KIAA1217: variants seen among roughly 807,000 people sequenced by gnomAD.
The protein encoded by KIAA1217 is sickle tail protein homolog.
In KIAA1217, 88 loss-of-function variants were observed where a neutral mutation model predicts 163.9. The observed-to-expected ratio is 0.54, with a 90% CI of 0.45 to 0.64. KIAA1217 has a LOEUF of 0.64. Ranked by LOEUF, KIAA1217 falls within the 30% of genes least tolerant of loss-of-function variation. The pLI, the probability that KIAA1217 is intolerant of heterozygous loss-of-function variation, is 0.00. For missense variants in KIAA1217, 2,372 were observed against 2,475.0 expected (o/e 0.96, Z 0.88); for synonymous variants, 903 against 923.1 (o/e 0.98, Z 0.39).
intron 2 of KIAA1217, among the ~76,000 whole-genome samples, chr10:24,330,087 G>A (rs2133517445): frequency 6.6e-6 from 1 of 152,146 alleles, no homozygotes; most frequent in Admixed American, 6.5e-5. Context: ...ATCACCTGAG[G>A]TCAGGAGTTG....
intron 2 of KIAA1217, among the ~76,000 whole-genome samples, chr10:24,049,350 A>G (rs1456266701): frequency 6.6e-6 from 1 of 152,208 alleles, no homozygotes; most frequent in African/African-American, 2.4e-5. Context: ...CGAGTTTTAC[A>G]GTGGCATAGA....
chr10:24,439,281 C>T (rs900863799), intron 5 of KIAA1217, among the ~76,000 whole-genome samples: 11 of 152,214 alleles, frequency 7.2e-5, no homozygotes, highest in Non-Finnish European at 1.6e-4. Context: ...CCTACACACA[C>T]ACACACACAT....
intron 2 of KIAA1217, among the ~76,000 whole-genome samples, chr10:24,305,426 G>T (rs529196904): frequency 6.6e-6 from 1 of 152,338 alleles, no homozygotes; most frequent in African/African-American, 2.4e-5. Flanking sequence ...ACAGACATCT[G>T]AGCATTAGCA....
intron 2 of KIAA1217, among the ~76,000 whole-genome samples, chr10:24,081,272 T>C (rs991254447): frequency 3.9e-5 from 6 of 152,220 alleles, no homozygotes; most frequent in African/African-American, 9.6e-5. Context: ...ACTGGTTTTA[T>C]GAATAGAGAT....
At chr10:24,122,351 TA>T (rs1475815705) in intron 2 of KIAA1217, among the ~76,000 whole-genome samples, 1 of 152,190 alleles carries the variant, frequency 6.6e-6, no homozygotes, top group African/African-American at 2.4e-5. Context: ...GGCTGTGTAG[TA>T]TTCCCGGGTG....
chr10:23,934,077 A>G (rs1360650170), intron 1 of KIAA1217, among the ~76,000 whole-genome samples: 1 of 152,180 alleles, frequency 6.6e-6, no homozygotes, highest in Non-Finnish European at 1.5e-5. Context: ...TACTATAAAA[A>G]CAGATGCTGC....
intron 2 of KIAA1217, among the ~76,000 whole-genome samples, chr10:24,185,894 G>T (rs531741176): frequency 1.3e-5 from 2 of 152,150 alleles, no homozygotes; most frequent in South Asian, 4.2e-4. Context: ...AACCTGGGAG[G>T]CAGAGGTTGC....
At chr10:24,166,920 A>C (rs993034894) in intron 2 of KIAA1217, among the ~76,000 whole-genome samples, 1 of 152,176 alleles carries the variant, frequency 6.6e-6, no homozygotes, top group African/African-American at 2.4e-5. Context: ...TCATTTTTTT[A>C]AAAAAGAATA....
intron 2 of KIAA1217, among the ~76,000 whole-genome samples, chr10:24,055,110 G>GA (rs1335178196): frequency 6.6e-6 from 1 of 151,488 alleles, no homozygotes; most frequent in Non-Finnish European, 1.5e-5. Flanking sequence ...CTACAAAAAA[G>GA]AAAAAAAATT....
At chr10:24,199,522 G>A (rs914498550) in intron 2 of KIAA1217, among the ~76,000 whole-genome samples, 4 of 152,112 alleles carry the variant, frequency 2.6e-5, no homozygotes, top group Non-Finnish European at 5.9e-5. Context: ...AACTATAGCC[G>A]AAGAGAAATT....
chr10:23,975,739 C>T (rs1380312611), intron 1 of KIAA1217, among the ~76,000 whole-genome samples: 1 of 152,182 alleles, frequency 6.6e-6, no homozygotes, highest in East Asian at 1.9e-4. Context: ...CAACACACCT[C>T]CTCCATATTA....
intron 1 of KIAA1217, among the ~76,000 whole-genome samples, chr10:23,720,656 A>G (rs1356529640): frequency 6.6e-6 from 1 of 152,188 alleles, no homozygotes; most frequent in African/African-American, 2.4e-5. Flanking sequence ...CTTCCTCTCC[A>G]TCTTGTTTGC....
chr10:24,322,617 C>A (rs1370729885), intron 2 of KIAA1217, among the ~76,000 whole-genome samples: 1 of 152,140 alleles, frequency 6.6e-6, no homozygotes, highest in Non-Finnish European at 1.5e-5. Flanking sequence ...CTACTGTGTA[C>A]CCATAAAAAT....
intron 6 of KIAA1217, among the ~76,000 whole-genome samples, chr10:24,484,224 C>CATATATATATAT (rs1170144059): frequency 0.011 from 976 of 89,936 alleles, 16 homozygotes; most frequent in South Asian, 0.024. Flanking sequence ...GATAGATATA[C>CATATATATATAT]ATATATATAT....
chr10:24,282,705 A>G (rs1321413512), intron 2 of KIAA1217, among the ~76,000 whole-genome samples: 1 of 149,990 alleles, frequency 6.7e-6, no homozygotes, highest in Non-Finnish European at 1.5e-5. Flanking sequence ...GCTCTTCTTT[A>G]TGGCACTGAA....
chr10:24,204,081 A>G (rs940664321), upstream of KIAA1217, among the ~76,000 whole-genome samples: 2 of 152,270 alleles, frequency 1.3e-5, no homozygotes, highest in Non-Finnish European at 2.9e-5. Flanking sequence ...AAGTATTAAC[A>G]CATTGGATCT....
At chr10:23,756,429 T>A (rs1833922791) in intron 1 of KIAA1217, among the ~76,000 whole-genome samples, 2 of 152,202 alleles carry the variant, frequency 1.3e-5, no homozygotes, top group African/African-American at 4.8e-5. Flanking sequence ...ACGACATTCA[T>A]TTTTATTTTT....
intron 5 of KIAA1217, among the ~76,000 whole-genome samples, chr10:24,465,148 G>C (rs1248634195): frequency 6.6e-6 from 1 of 151,742 alleles, no homozygotes; most frequent in Non-Finnish European, 1.5e-5. Flanking sequence ...GAAGCTGATA[G>C]TGTGTGCCTC....
chr10:24,218,301 A>G (rs1456750852), intron 1 of KIAA1217, among the ~76,000 whole-genome samples: 1 of 152,118 alleles, frequency 6.6e-6, no homozygotes, highest in Non-Finnish European at 1.5e-5. Context: ...CATTGACATC[A>G]TATGACTTGG....
Sources: allele counts gnomAD v4.1 joint callset (sites outside exome capture counted in the v4.1 genomes callset), GRCh38; gene constraint gnomAD v4.1.1; transcripts MANE v1.5; gene names NCBI Gene and HGNC (gene_info 2026-07-23, HGNC 2026-07-21).